The following KCNJ3 variants were observed in gnomAD, a reference collection of about 807,000 sequenced individuals.
The protein encoded by KCNJ3 is potassium inwardly rectifying channel subfamily J member 3, also known as G protein-activated inward rectifier potassium channel 1.
Under a neutral mutation model 39.2 loss-of-function variants are expected in KCNJ3, and 4 were observed. The ratio of observed to expected loss-of-function variants is 0.10; its 90% CI spans 0.05 to 0.23. KCNJ3 has a LOEUF of 0.23. Ranked by LOEUF, KCNJ3 falls within the 10% of genes least tolerant of loss-of-function variation. The pLI is 1.00. For missense variants in KCNJ3, 276 were observed against 634.9 expected (o/e 0.43, Z 6.08); for synonymous variants, 230 against 237.4 (o/e 0.97, Z 0.29).
At chr2:154,796,830 A>C (rs981555389) in intron 2 of KCNJ3, among the ~76,000 whole-genome samples, 1 of 152,180 alleles carries the variant, frequency 6.6e-6, no homozygotes, top group Admixed American at 6.6e-5. Flanking sequence ...AAGCTGTATC[A>C]TTCAATTTTA....
intron 1 of KCNJ3, among the ~76,000 whole-genome samples, chr2:154,708,784 G>A (rs1275222507): frequency 1.3e-5 from 2 of 152,084 alleles, no homozygotes; most frequent in African/African-American, 4.8e-5. Context: ...ACTTAATTAA[G>A]CTTTAGAGTG....
At chr2:154,835,968 T>C (rs1687451891) in intron 2 of KCNJ3, among the ~76,000 whole-genome samples, 1 of 152,128 alleles carries the variant, frequency 6.6e-6, no homozygotes, top group African/African-American at 2.4e-5. Flanking sequence ...CCCAGCATTT[T>C]GGGAGGCCGA....
intron 2 of KCNJ3, among the ~76,000 whole-genome samples, chr2:154,710,987 A>C (rs1685094241): frequency 1.3e-5 from 2 of 152,142 alleles, no homozygotes; most frequent in South Asian, 2.1e-4. Flanking sequence ...GGATGATATA[A>C]TAACCACCTC....
At chr2:154,846,646 C>T (rs1356347869) in intron 2 of KCNJ3, among the ~76,000 whole-genome samples, 1 of 152,106 alleles carries the variant, frequency 6.6e-6, no homozygotes, top group Non-Finnish European at 1.5e-5. Context: ...CCTGTCTCTC[C>T]TAAATATATT....
At chr2:154,768,478 T>A (rs1686175143) in intron 2 of KCNJ3, among the ~76,000 whole-genome samples, 1 of 152,194 alleles carries the variant, frequency 6.6e-6, no homozygotes. Flanking sequence ...GTCAGGTTTG[T>A]CAAAGATCAG....
In KCNJ3 at chr2:154,704,365, C is replaced by T. The variant is rs529736388; in HGVS notation, c.702+4888C>T. Among the ~76,000 whole-genome samples the T allele has an allele frequency of 7.2e-5, 11 of 152,106 alleles. No individual in the cohort carries two copies. In the South Asian group the frequency reaches 2.3e-3, roughly 32 times the overall value. On this transcript the variant is annotated intron_variant, in intron 1 of 2. Transcript: ENST00000295101. ...GAAATGTGCAAGTAGGGTTACGAAG[C>T]CTGTCCTCAATTATTATAAATGCCA...
Position 154,846,605 on chromosome 2 carries a change from T to C in KCNJ3, c.920-8122T>C, listed in dbSNP as rs78702686. On this transcript the variant is annotated intron_variant, in intron 2 of 2. Coordinates refer to ENST00000295101, the MANE Select transcript of KCNJ3 (RefSeq NM_002239.4). ...AACAGGAACAATCTCAAGTTTATAT[T>C]CAAAGCCCATGTTCTTTTGCTTAAT... Among the ~76,000 whole-genome samples the C allele has an allele frequency of 2.0e-4, 30 of 152,266 alleles. No individual in the cohort carries two copies. The East Asian group carries it at 5.8e-3, about 29-fold the overall frequency.
chr2:154,831,924 TG>T (rs1335389405), intron 2 of KCNJ3, among the ~76,000 whole-genome samples: 1 of 152,160 alleles, frequency 6.6e-6, no homozygotes, highest in Non-Finnish European at 1.5e-5. Flanking sequence ...TTGCTTCTGG[TG>T]AGGACTCAGG....
intron 2 of KCNJ3, among the ~76,000 whole-genome samples, chr2:154,717,643 G>T (rs1040745901): frequency 2.0e-5 from 3 of 152,194 alleles, no homozygotes; most frequent in East Asian, 1.9e-4. Flanking sequence ...ACATAAAAAT[G>T]ATAAATTAAG....
At chr2:154,757,925 C>A (rs1169182789) in intron 2 of KCNJ3, among the ~76,000 whole-genome samples, 1 of 152,112 alleles carries the variant, frequency 6.6e-6, no homozygotes, top group Non-Finnish European at 1.5e-5. Flanking sequence ...CCTCCTAATA[C>A]AATCAAATTG....
At chr2:154,705,044 T>C (rs748930311) in intron 1 of KCNJ3, among the ~76,000 whole-genome samples, 1 of 152,080 alleles carries the variant, frequency 6.6e-6, no homozygotes, top group Non-Finnish European at 1.5e-5. Context: ...TTGTGAAAGG[T>C]GGTTAGGCAT....
intron 2 of KCNJ3, among the ~76,000 whole-genome samples, chr2:154,764,281 TG>T (rs1686095595): frequency 6.6e-6 from 1 of 152,340 alleles, no homozygotes; most frequent in Admixed American, 6.5e-5. Context: ...TTTTACCCTT[TG>T]GTTGTTTTGT....
chr2:154,807,513 T>G (rs1686932449), intron 2 of KCNJ3, among the ~76,000 whole-genome samples: 1 of 152,166 alleles, frequency 6.6e-6, no homozygotes, highest in Non-Finnish European at 1.5e-5. Context: ...AGGGATAACC[T>G]GAGAACAGCA....
At chr2:154,755,100 G>A (rs1823000) in intron 2 of KCNJ3, among the ~76,000 whole-genome samples, 137,544 of 152,062 alleles carry the variant, frequency 0.9, 62,339 homozygotes, top group East Asian at 1. Context: ...TTTCATTACT[G>A]TAATTGGAAA....
chr2:154,796,130 AGT>A (rs1218506907), intron 2 of KCNJ3, among the ~76,000 whole-genome samples: 8 of 152,126 alleles, frequency 5.3e-5, no homozygotes, highest in Non-Finnish European at 1.0e-4. Flanking sequence ...GTTGGGATGC[AGT>A]GCTAAATTCC....
chr2:154,720,410 T>C (rs1685248617), intron 2 of KCNJ3, among the ~76,000 whole-genome samples: 1 of 152,090 alleles, frequency 6.6e-6, no homozygotes, highest in South Asian at 2.1e-4. Context: ...TGATTAGATC[T>C]TAAAGCCTTT....
chr2:154,753,735 T>C (rs1685888578), intron 2 of KCNJ3, among the ~76,000 whole-genome samples: 2 of 150,704 alleles, frequency 1.3e-5, no homozygotes, highest in South Asian at 4.1e-4. Context: ...TTATAAGTGA[T>C]AGATTTTAAA....
chr2:154,834,242 C>T (rs1456293872), intron 2 of KCNJ3, among the ~76,000 whole-genome samples: 3 of 152,046 alleles, frequency 2.0e-5, no homozygotes, highest in Non-Finnish European at 4.4e-5. Context: ...TTTTGATAGC[C>T]ATGTAATGAT....
At chr2:154,753,906 T>TA (rs1685892330) in intron 2 of KCNJ3, among the ~76,000 whole-genome samples, 1 of 152,190 alleles carries the variant, frequency 6.6e-6, no homozygotes, top group African/African-American at 2.4e-5. Context: ...AGTTCCCACT[T>TA]ACACTTAACC....
Sources: gnomAD v4.1 joint callset for allele counts (sites outside exome capture counted in the v4.1 genomes callset) on GRCh38, gnomAD v4.1.1 for gene constraint, MANE v1.5 for transcripts, NCBI Gene and HGNC (gene_info 2026-07-23, HGNC 2026-07-21) for gene names.